Variants in EED observed in about 807,000 individuals in gnomAD.
EED encodes polycomb protein EED.
Under a neutral mutation model 61.0 loss-of-function variants are expected in EED, and 9 were observed. That is an observed-to-expected ratio of 0.15 (90% confidence interval 0.09 to 0.26). The LOEUF is 0.26. Among genes scored for constraint, EED ranks in the 10% least tolerant of loss-of-function variants. The pLI is 1.00. For missense variants in EED, 315 were observed against 542.3 expected (o/e 0.58, Z 4.16); for synonymous variants, 187 against 174.4 (o/e 1.07, Z -0.57).
At chr11:86,255,448 C>A (rs1456399754) in intron 4 of EED, among the ~76,000 whole-genome samples, 161 bp downstream of exon 4, 1 of 151,964 alleles carries the variant, frequency 6.6e-6, no homozygotes, top group Non-Finnish European at 1.5e-5. Context: ...TTTTCCTGAC[C>A]CTTAGAAATC....
Position 86,273,531 on chromosome 11 carries a change from A to G in EED, c.967-3449A>G, listed in dbSNP as rs140496693. ...CTTACTGATAAATTCAAATCTTCTT[A>G]ATTAATTTTCTTTCTGTTTCGAAAA... On this transcript the variant is annotated intron_variant, in intron 9 of 11. Transcript: ENST00000263360. 5.3e-4 allele frequency among the ~76,000 whole-genome samples: 81 copies of G among 152,244 alleles called. 1 individual carries two copies. Among genetic ancestry groups the G allele is most frequent in the African/African-American group, 1.9e-3 (77 of 41,534 alleles).
At position 86,249,381 on chromosome 11, in the gene EED, G is replaced by GAAA. The variant is rs34097493; in HGVS notation, c.115-900_115-898dup. Reference sequence around the variant, plus strand: ...TAGGCTGTTTAATAGGCATTTCATGGAAAAAAAAAAAAAAAAAGGCTTCCT... The same window carrying GAAA: ...TAGGCTGTTTAATAGGCATTTCATGGAAAAAAAAAAAAAAAAAAAAGGCTTCCT... On this transcript the variant is annotated intron_variant, in intron 1 of 11. Coordinates refer to ENST00000263360, the MANE Select transcript of EED (RefSeq NM_003797.5). Among the ~76,000 whole-genome samples, 412 of 125,580 alleles carry GAAA rather than the reference G, an allele frequency of 3.3e-3. 5 individuals are homozygous for GAAA. The highest frequency in any genetic ancestry group is 5.9e-3 in the African/African-American group (202 of 34,462). 82.4% of individuals were successfully genotyped at this position (125,580 alleles called of 152,430 possible).
chr11:86,259,052 G>A (rs893030419), intron 6 of EED, among the ~76,000 whole-genome samples: 5 of 151,114 alleles, frequency 3.3e-5, no homozygotes, highest in Non-Finnish European at 7.4e-5. Flanking sequence ...ATTTTTAGTA[G>A]AGATGAGGTT....
chr11:86,264,308 TG>T, intron 7 of EED, 45 bp downstream of exon 7: 1 of 1,386,926 alleles, frequency 7.2e-7, no homozygotes, highest in Non-Finnish European at 1.0e-6. Flanking sequence ...TTTACATAGC[TG>T]TGAACAGTCT....
chr11:86,245,366 A>G (rs763311564), intron 1 of EED, 23 bp downstream of exon 1: 1 of 1,554,144 alleles, frequency 6.4e-7, no homozygotes, highest in Non-Finnish European at 8.8e-7. Context: ...TCTGGCAGTT[A>G]CGAGACTGCG....
chr11:86,252,765 G>T (rs1945569048), intron 3 of EED, among the ~76,000 whole-genome samples: 1 of 151,854 alleles, frequency 6.6e-6, no homozygotes, highest in South Asian at 2.1e-4. Context: ...TGTTGTTGTT[G>T]TTTGTTTTTG....
chr11:86,283,262 A>G (rs1946343239), downstream of EED, among the ~76,000 whole-genome samples: 1 of 152,196 alleles, frequency 6.6e-6, no homozygotes. Context: ...TGAGGGTTGA[A>G]ACAATAAAAA....
rs1010942307 is a variant in EED, at chr11:86,278,635, T to G, written c.*110T>G. ...AGCATTTAGAGTTGTCTTTCAGCAT[T>G]CAATCAGGCTGAGCTGAATGTAGTG... On this transcript the variant is annotated 3_prime_UTR_variant, in exon 12 of 12. Transcript: ENST00000263360. 7.1e-7 allele frequency: 1 copy of G among 1,401,760 alleles called. No homozygotes were observed. The highest frequency in any genetic ancestry group is 1.4e-5 in the African/African-American group (1 of 70,520). 86.8% of individuals were successfully genotyped at this position (1,401,760 alleles called of 1,614,324 possible).
chr11:86,266,839 T>C (rs1034608815), intron 8 of EED, among the ~76,000 whole-genome samples: 10 of 152,192 alleles, frequency 6.6e-5, no homozygotes, highest in African/African-American at 2.4e-4. Flanking sequence ...ATTAACACTT[T>C]CACTATAAAC....
intron 2 of EED, 132 bp downstream of exon 2, chr11:86,250,580 T>A: frequency 1.1e-6 from 1 of 891,344 alleles, no homozygotes; most frequent in Non-Finnish European, 1.4e-6. Context: ...TCTGAAGGGT[T>A]TTTTTTTTTG....
At chr11:86,248,350 T>C (rs1391743973) in intron 1 of EED, among the ~76,000 whole-genome samples, 1 of 152,236 alleles carries the variant, frequency 6.6e-6, no homozygotes, top group Non-Finnish European at 1.5e-5. Context: ...CAACGTGCCC[T>C]ATTAACGAAT....
intron 6 of EED, chr11:86,263,964 T>G: frequency 1.9e-6 from 1 of 513,756 alleles, no homozygotes; most frequent in Admixed American, 3.3e-5. Flanking sequence ...AGCACATGCT[T>G]TTGGGGGGGC....
chr11:86,244,933 T>C lies in EED; in HGVS notation c.-297T>C. ...TACTGCCCTCTTAATCCAACGGACC[T>C]TACATCGTGTAGACTGCCGGGAGGG... On this transcript the variant is annotated 5_prime_UTR_variant, in exon 1 of 12. Transcript: ENST00000263360. 1 of 369,876 alleles carries C rather than the reference T, an allele frequency of 2.7e-6. No individual in the cohort carries two copies. The highest frequency in any genetic ancestry group is 4.9e-6 in the Non-Finnish European group (1 of 203,694). 22.9% of individuals were successfully genotyped at this position (369,876 alleles called of 1,614,324 possible).
chr11:86,267,906 C>G (rs955189539), intron 8 of EED: 1 of 151,856 alleles, frequency 6.6e-6, no homozygotes, highest in African/African-American at 2.4e-5. Flanking sequence ...CCCACCCCCA[C>G]TTAAGAAATT....
intron 7 of EED, 122 bp downstream of exon 7, chr11:86,264,385 A>G: frequency 3.2e-6 from 2 of 618,840 alleles, no homozygotes; most frequent in South Asian, 5.5e-5. Flanking sequence ...ATTCACTTAC[A>G]TTTGACATAG....
intron 8 of EED, 27 bp from the exon 9 acceptor site, chr11:86,268,429 C>A: frequency 6.9e-7 from 1 of 1,449,890 alleles, no homozygotes; most frequent in Non-Finnish European, 9.4e-7. Context: ...TTTCTTTTAA[C>A]TTTTTACATT....
chr11:86,271,289 T>C (rs1296085578), intron 9 of EED, among the ~76,000 whole-genome samples: 1 of 152,244 alleles, frequency 6.6e-6, no homozygotes, highest in Non-Finnish European at 1.5e-5. Context: ...TAAGCAATTA[T>C]AAACTGTTTT....
At chr11:86,284,470 A>C in the EED span, 2 of 152,274 alleles carry the variant, frequency 1.3e-5, no homozygotes, top group Non-Finnish European at 1.5e-5. Flanking sequence ...TTGGAAGTGC[A>C]CACCTAGCTG....
In EED at chr11:86,255,211, A is replaced by G. The variant is rs1379256849; in HGVS notation, c.361-11A>G. The G allele has an allele frequency of 6.3e-7, 1 of 1,595,834 alleles. No homozygotes were observed. Among genetic ancestry groups the G allele is most frequent in the East Asian group, 2.2e-5 (1 of 44,666 alleles). On this transcript the variant is annotated splice_polypyrimidine_tract_variant and intron_variant, in intron 3 of 11. Coordinates refer to ENST00000263360, the MANE Select transcript of EED (RefSeq NM_003797.5). ...TTGAGATGAAATTTACTGTATTTTTATTTTCATTAGGTTACCTTGTATGAA... is the reference window on the plus strand; with the variant it reads ...TTGAGATGAAATTTACTGTATTTTTGTTTTCATTAGGTTACCTTGTATGAA...
Sources: gnomAD v4.1 joint callset for allele counts (sites outside exome capture counted in the v4.1 genomes callset) on GRCh38, gnomAD v4.1.1 for gene constraint, MANE v1.5 for transcripts, NCBI Gene and HGNC (gene_info 2026-07-23, HGNC 2026-07-21) for gene names.